The following SHANK2 variants were observed in gnomAD, a reference collection of about 807,000 sequenced individuals.
SHANK2 encodes the protein SH3 and multiple ankyrin repeat domains protein 2.
SHANK2 carries 43 observed loss-of-function variants against 133.7 expected under a neutral mutation model. The ratio of observed to expected loss-of-function variants is 0.32; its 90% CI spans 0.25 to 0.41. SHANK2 has a LOEUF of 0.41. SHANK2 is among the 10% of genes least tolerant of loss of function. The pLI is 1.00. For synonymous variants in SHANK2, 1,017 were observed against 952.8 expected (o/e 1.07, Z -1.24); for missense variants, 1,994 against 2,235.8 (o/e 0.89, Z 2.18).
intron 25 of SHANK2, among the ~76,000 whole-genome samples, chr11:70,478,052 T>TA (rs545914921): frequency 1.1e-4 from 16 of 152,160 alleles, no homozygotes; most frequent in South Asian, 8.3e-4. Context: ...ATGTGAGAAT[T>TA]AAAAAAAATC....
At chr11:70,611,049 T>C (rs766347472) in intron 17 of SHANK2, among the ~76,000 whole-genome samples, 9 of 152,184 alleles carry the variant, frequency 5.9e-5, no homozygotes, top group Non-Finnish European at 1.0e-4. Flanking sequence ...CCTAGAGCCA[T>C]AGTGACTAAG....
intron 17 of SHANK2, among the ~76,000 whole-genome samples, chr11:70,517,317 C>A (rs914337635): frequency 2.0e-5 from 3 of 152,182 alleles, no homozygotes. Context: ...CAGTTTCTTA[C>A]AAAACAACAC....
At chr11:70,572,356 T>G (rs1554983274) in intron 17 of SHANK2, among the ~76,000 whole-genome samples, 2 of 152,180 alleles carry the variant, frequency 1.3e-5, no homozygotes, top group Non-Finnish European at 2.9e-5. Flanking sequence ...GATGGGGTTT[T>G]GCCATGTTGG....
intron 11 of SHANK2, chr11:70,895,375 G>C (rs892531429): frequency 6.6e-6 from 1 of 152,646 alleles, no homozygotes; most frequent in South Asian, 2.1e-4. Context: ...TTGATGGGGT[G>C]ATGCCATCTT....
At position 70,499,362 on chromosome 11, in the gene SHANK2, G is replaced by A. The variant is rs926187739; in HGVS notation, c.2308+1208C>T. On this transcript the variant is annotated intron_variant, in intron 21 of 25. Coordinates refer to ENST00000601538, the MANE Select transcript of SHANK2 (RefSeq NM_012309.5). ...TGTAGCCAGTTTCTCTTGCTCAGAC[G>A]GGAGGTGGATCTTCTGATGCCACCC... 2.9e-4 allele frequency among the ~76,000 whole-genome samples: 44 copies of A among 152,224 alleles called. 2 individuals carry two copies. The highest frequency in any genetic ancestry group is 2.3e-3 in the Admixed American group (35 of 15,288).
chr11:70,803,651 G>T (rs1182461039), intron 13 of SHANK2, among the ~76,000 whole-genome samples: 1 of 152,026 alleles, frequency 6.6e-6, no homozygotes, highest in Non-Finnish European at 1.5e-5. Context: ...TCAGATGCAG[G>T]GACTTCGGGA....
intron 14 of SHANK2, among the ~76,000 whole-genome samples, chr11:70,790,640 C>T (rs1212181122): frequency 1.3e-5 from 2 of 152,200 alleles, no homozygotes; most frequent in African/African-American, 4.8e-5. Flanking sequence ...CTTGCCTGTT[C>T]CCATGATCGG....
rs1555113015 is a variant in SHANK2, at chr11:71,175,599, A to G, written c.-12-28261T>C. Among the ~76,000 whole-genome samples, 1 of 135,158 alleles carries G rather than the reference A, an allele frequency of 7.4e-6. No homozygotes were observed. The highest frequency in any genetic ancestry group is 2.9e-5 in the African/African-American group (1 of 34,194). The allele number at this position is 135,158 out of a possible 152,430, so 88.7% of individuals were successfully genotyped here. The stretch of plus-strand genomic sequence containing the variant: ...GAGAGAGAGAGAGAGAGAGAGAGAG[A>G]GAGACAGAGACAGAGACATCGCTTC... On this transcript the variant is annotated intron_variant, in intron 2 of 25. Transcript: ENST00000601538. The surrounding 1 kb of genome is among the most constrained non-coding windows in gnomAD (Gnocchi z 4.2).
At chr11:70,775,785 C>T (rs1292281709) in intron 14 of SHANK2, among the ~76,000 whole-genome samples, 2 of 152,234 alleles carry the variant, frequency 1.3e-5, no homozygotes, top group Non-Finnish European at 2.9e-5. Context: ...ATATGCCTGT[C>T]TTAAATTTAA....
chr11:71,101,369 C>T (rs538678251), intron 6 of SHANK2, among the ~76,000 whole-genome samples: 1 of 152,168 alleles, frequency 6.6e-6, no homozygotes, highest in African/African-American at 2.4e-5. Flanking sequence ...GCAGTGTGTA[C>T]ATAGAAAAAC....
At chr11:70,918,922 G>A (rs1462110902) in intron 10 of SHANK2, among the ~76,000 whole-genome samples, 1 of 152,148 alleles carries the variant, frequency 6.6e-6, no homozygotes, top group Non-Finnish European at 1.5e-5. Flanking sequence ...CCAGCACTTT[G>A]AGAGGCCAAG....
intron 17 of SHANK2, among the ~76,000 whole-genome samples, chr11:70,597,484 G>C (rs539390669): frequency 6.6e-6 from 1 of 152,244 alleles, no homozygotes; most frequent in African/African-American, 2.4e-5. Context: ...AGAGGATAGA[G>C]AGGGTAGAGA....
intron 11 of SHANK2, among the ~76,000 whole-genome samples, chr11:70,870,040 A>G (rs1378737422): frequency 6.6e-6 from 1 of 152,114 alleles, no homozygotes; most frequent in East Asian, 1.9e-4. Context: ...CTCCTTGCAG[A>G]TGTGATCAGT....
chr11:71,108,866 T>C (rs976643568), intron 6 of SHANK2, among the ~76,000 whole-genome samples: 1 of 152,064 alleles, frequency 6.6e-6, no homozygotes, highest in Non-Finnish European at 1.5e-5. Context: ...CACAGACAAT[T>C]GCAAAAAGGC....
intron 2 of SHANK2, among the ~76,000 whole-genome samples, chr11:71,209,420 C>T (rs1438459395): frequency 6.6e-6 from 1 of 152,198 alleles, no homozygotes; most frequent in African/African-American, 2.4e-5. Context: ...TTCGCAGGAG[C>T]CCAGCCAAGC....
At chr11:70,932,423 C>T (rs782484278) in intron 10 of SHANK2, among the ~76,000 whole-genome samples, 11 of 152,248 alleles carry the variant, frequency 7.2e-5, no homozygotes, top group East Asian at 1.9e-4. Context: ...GGTCCGCGCA[C>T]GTGCGGCCCC....
rs201075761 is a variant in SHANK2, at chr11:71,156,358, AC to A, written c.-12-9021del. 1.0e-3 allele frequency among the ~76,000 whole-genome samples: 155 copies of A among 152,360 alleles called. 1 individual carries two copies. The East Asian group carries it at 0.026, about 26-fold the overall frequency. On this transcript the variant is annotated intron_variant, in intron 2 of 25. Transcript: ENST00000601538. ...ATCACCATCAAACAAACACTCTGTT[AC>A]CAGCCCTGCTGGCATCTCTGGATGA...
chr11:70,787,656 C>T (rs1277979527), intron 14 of SHANK2, among the ~76,000 whole-genome samples: 7 of 152,032 alleles, frequency 4.6e-5, no homozygotes, highest in Non-Finnish European at 8.8e-5. Context: ...ACCAACACCA[C>T]CACCACCATA....
At chr11:70,727,199 G>T (rs1443041830) in intron 14 of SHANK2, among the ~76,000 whole-genome samples, 1 of 152,246 alleles carries the variant, frequency 6.6e-6, no homozygotes, top group Non-Finnish European at 1.5e-5. Context: ...CTTGCCTCTG[G>T]CACGGAGCAG....
Sources: gnomAD v4.1 joint callset for allele counts (sites outside exome capture counted in the v4.1 genomes callset) on GRCh38, gnomAD v4.1.1 for gene constraint, Gnocchi (gnomAD v3.1) non-coding constraint, MANE v1.5 for transcripts, NCBI Gene and HGNC (gene_info 2026-07-23, HGNC 2026-07-21) for gene names.